XRN1: variants seen among roughly 807,000 people sequenced by gnomAD.
XRN1 encodes strand-exchange protein 1 homolog.
In XRN1, 67 loss-of-function variants were observed where a neutral mutation model predicts 222.3. The observed-to-expected ratio is 0.30, with a 90% CI of 0.25 to 0.37. The LOEUF is 0.37. Ranked by LOEUF, XRN1 falls within the 10% of genes least tolerant of loss-of-function variation. The pLI is 1.00. For synonymous variants in XRN1, 643 were observed against 652.4 expected (o/e 0.99, Z 0.22); for missense variants, 1,707 against 2,000.2 (o/e 0.85, Z 2.80).
intron 1 of XRN1, among the ~76,000 whole-genome samples, chr3:142,443,556 C>T (rs769895335): frequency 1.3e-5 from 2 of 152,336 alleles, no homozygotes; most frequent in Non-Finnish European, 2.9e-5. Flanking sequence ...TGTAAACCCA[C>T]GCATTCAAGC....
chr3:142,381,019 A>C (rs1425958885), intron 22 of XRN1, among the ~76,000 whole-genome samples: 25 of 151,716 alleles, frequency 1.6e-4, no homozygotes, highest in African/African-American at 4.1e-4. Flanking sequence ...AAGTTGCAAA[A>C]AAAAAAAAAA....
intron 1 of XRN1, among the ~76,000 whole-genome samples, chr3:142,433,387 A>C (rs1381361650): frequency 6.6e-6 from 1 of 152,184 alleles, no homozygotes; most frequent in Admixed American, 6.5e-5. Context: ...TGGTTATATT[A>C]ATTTTTAAAA....
At position 142,365,022 on chromosome 3, in the gene XRN1, G is replaced by A. The variant is rs2066771941; in HGVS notation, c.3394+25C>T. 3 of 1,601,844 alleles carry A rather than the reference G, an allele frequency of 1.9e-6. No individual in the cohort carries two copies. In the East Asian group the frequency reaches 6.8e-5, roughly 36 times the overall value. ...ACTTTACAATATAAATTACGTTGAA[G>A]ACATTTCAAGTATTAGGATATTACC... On this transcript the variant is annotated intron_variant, in intron 29 of 40. Transcript: ENST00000392981.
At chr3:142,370,450 T>C (rs1430420308) in intron 27 of XRN1, 35 bp downstream of exon 27, 1 of 1,578,714 alleles carries the variant, frequency 6.3e-7, no homozygotes. Flanking sequence ...TAATTCCAAA[T>C]CTCATCAATA....
intron 20 of XRN1, among the ~76,000 whole-genome samples, chr3:142,385,833 T>G (rs1032916202): frequency 2.6e-5 from 4 of 152,078 alleles, no homozygotes; most frequent in African/African-American, 7.2e-5. Flanking sequence ...GTTGATCATT[T>G]AGCTCACTGA....
Position 142,318,625 on chromosome 3 carries a change from C to CGAA in XRN1, c.4587_4588insTTC (p.Pro1529_Gly1530insPhe). 1 of 1,608,834 alleles carries CGAA rather than the reference C, an allele frequency of 6.2e-7. No individual in the cohort carries two copies. Among genetic ancestry groups the CGAA allele is most frequent in the Non-Finnish European group, 8.5e-7 (1 of 1,178,058 alleles). On this transcript the variant is annotated inframe_insertion, in exon 39 of 41. Transcript: ENST00000392981. ...GGGGGAAAGGCTGGAGGAATGGTTC[C>CGAA]AGGTGGTACAGCTGAAGGATAATTT...
chr3:142,368,094 TTA>T (rs2066874908), intron 27 of XRN1, among the ~76,000 whole-genome samples: 1 of 150,400 alleles, frequency 6.6e-6, no homozygotes, highest in Non-Finnish European at 1.5e-5. Flanking sequence ...TATTACATGT[TTA>T]TATATAAATA....
intron 29 of XRN1, among the ~76,000 whole-genome samples, chr3:142,361,032 T>C (rs1260532976): frequency 6.6e-6 from 1 of 152,198 alleles, no homozygotes; most frequent in Non-Finnish European, 1.5e-5. Flanking sequence ...TTCCAAAACT[T>C]TCCATGTCCT....
chr3:142,314,740 TAA>T (rs2065160939), intron 39 of XRN1, among the ~76,000 whole-genome samples: 1 of 151,284 alleles, frequency 6.6e-6, no homozygotes, highest in South Asian at 2.1e-4. Context: ...CCTGTCTCTA[TAA>T]AAAGATACAA....
chr3:142,360,517 G>T (rs2066585788), intron 29 of XRN1, among the ~76,000 whole-genome samples: 1 of 151,582 alleles, frequency 6.6e-6, no homozygotes, highest in Non-Finnish European at 1.5e-5. Context: ...TGTTCCCTAG[G>T]TTAAAAGTGA....
chr3:142,425,965 A>G (rs2069231016), intron 3 of XRN1, among the ~76,000 whole-genome samples: 1 of 151,902 alleles, frequency 6.6e-6, no homozygotes, highest in African/African-American at 2.4e-5. Context: ...TACTGAAATT[A>G]TTATTCTGAA....
chr3:142,415,299 G>A (rs1199970257), intron 13 of XRN1, among the ~76,000 whole-genome samples: 1 of 151,866 alleles, frequency 6.6e-6, no homozygotes, highest in African/African-American at 2.4e-5. Flanking sequence ...ACATTGAAAT[G>A]TTTTTGTATT....
chr3:142,385,769 A>G (rs1359795216), intron 20 of XRN1, among the ~76,000 whole-genome samples: 1 of 151,818 alleles, frequency 6.6e-6, no homozygotes, highest in South Asian at 2.1e-4. Context: ...TAAAATTCTG[A>G]TATTATTTTC....
intron 33 of XRN1, among the ~76,000 whole-genome samples, chr3:142,343,452 C>T (rs1437682562): frequency 6.8e-6 from 1 of 146,440 alleles, no homozygotes; most frequent in Non-Finnish European, 1.5e-5. Context: ...GAAATTCCGT[C>T]TTAAAAAAAA....
chr3:142,332,954 A>T lies in XRN1; in HGVS notation c.4062+13T>A, dbSNP rs2065744275. 2 of 1,612,032 alleles carry T rather than the reference A, an allele frequency of 1.2e-6. No homozygotes were observed. Among genetic ancestry groups the T allele is most frequent in the Non-Finnish European group, 1.7e-6 (2 of 1,179,274 alleles). On this transcript the variant is annotated intron_variant, in intron 35 of 40. Coordinates refer to ENST00000392981, the MANE Select transcript of XRN1 (RefSeq NM_001282857.2). ...AAATTACCACAGTAAGAAAGTTCCT[A>T]CAAAATACGAACCATGGCAAATGAC...
intron 33 of XRN1, among the ~76,000 whole-genome samples, chr3:142,336,141 G>A (rs912718927): frequency 6.6e-6 from 1 of 152,146 alleles, no homozygotes; most frequent in African/African-American, 2.4e-5. Context: ...TTTAGCAAAT[G>A]ACAGGATGTG....
chr3:142,308,441 C>A lies in XRN1; in HGVS notation c.*3070G>T, dbSNP rs896688515. 2.0e-5 allele frequency: 3 copies of A among 152,110 alleles called. No individual in the cohort carries two copies. The highest frequency in any genetic ancestry group is 7.2e-5 in the African/African-American group (3 of 41,416). The allele number at this position is 152,110 out of a possible 1,614,324, so 9.4% of individuals were successfully genotyped here. A position where few individuals can be genotyped will look rare whatever the true frequency, so the allele number is the denominator to read the frequency against. On this transcript the variant is annotated 3_prime_UTR_variant, in exon 41 of 41. Coordinates refer to ENST00000392981, the MANE Select transcript of XRN1 (RefSeq NM_001282857.2). ...ATTCCTCCACCAATCGGGAAAAAAA[C>A]CCTTCAATCTTTATTAGTTACCCCT...
chr3:142,399,521 G>A (rs1183834387), intron 19 of XRN1, among the ~76,000 whole-genome samples: 1 of 151,908 alleles, frequency 6.6e-6, no homozygotes, highest in African/African-American at 2.4e-5. Context: ...AAAATCTTCT[G>A]GATCTAGGGC....
chr3:142,368,234 C>T (rs1040571185), intron 27 of XRN1, among the ~76,000 whole-genome samples: 6 of 151,920 alleles, frequency 3.9e-5, no homozygotes, highest in South Asian at 2.1e-4. Context: ...CTGCAACCTC[C>T]GCTTCCCAGG....
Sources: gnomAD v4.1 joint callset for allele counts (sites outside exome capture counted in the v4.1 genomes callset) on GRCh38, gnomAD v4.1.1 for gene constraint, MANE v1.5 for transcripts, NCBI Gene and HGNC (gene_info 2026-07-23, HGNC 2026-07-21) for gene names.